WDR27: variants seen among roughly 807,000 people sequenced by gnomAD.
WDR27 encodes WD repeat-containing protein 27.
A neutral mutation model predicts 114.4 loss-of-function variants in WDR27; 100 were observed. That is an observed-to-expected ratio of 0.87 (90% CI 0.74 to 1.03). WDR27 has a LOEUF of 1.03. WDR27 is among the 50% of genes least tolerant of loss of function. WDR27 has a pLI of 0.00. For missense variants in WDR27, 1,129 were observed against 1,092.9 expected, an observed-to-expected ratio of 1.03 and a Z score of -0.47; for synonymous variants, 449 against 423.1, an observed-to-expected ratio of 1.06 and a Z score of -0.75.
downstream of WDR27, among the ~76,000 whole-genome samples, chr6:169,454,996 C>A (rs533719095): frequency 2.0e-5 from 3 of 152,206 alleles, no homozygotes; most frequent in African/African-American, 7.2e-5. Context: ...GCAAAGACTG[C>A]GGGCTCTGGT....
At chr6:169,686,633 G>A (rs1783027507) in intron 2 of WDR27, among the ~76,000 whole-genome samples, 2 of 152,132 alleles carry the variant, frequency 1.3e-5, no homozygotes, top group South Asian at 4.1e-4. Context: ...AGATAAAACA[G>A]ACATCAAGTT....
chr6:169,443,883 TG>T, the WDR27 span, among the ~76,000 whole-genome samples: 1 of 152,208 alleles, frequency 6.6e-6, no homozygotes, highest in Non-Finnish European at 1.5e-5. Context: ...CATTCAGGCC[TG>T]GGTTTCCAAC....
intron 25 of WDR27, among the ~76,000 whole-genome samples, chr6:169,483,376 C>G (rs1431688889): frequency 6.6e-6 from 1 of 152,110 alleles, no homozygotes; most frequent in Non-Finnish European, 1.5e-5. Context: ...CCATCAGAGA[C>G]TACTATGAAT....
the WDR27 span, among the ~76,000 whole-genome samples, chr6:169,448,564 C>A: frequency 6.6e-6 from 1 of 152,158 alleles, no homozygotes; most frequent in Non-Finnish European, 1.5e-5. Context: ...AAGCCGGTGG[C>A]GGCTGCACTG....
At chr6:169,627,086 T>C (rs1332594388) in intron 21 of WDR27, among the ~76,000 whole-genome samples, 1 of 152,214 alleles carries the variant, frequency 6.6e-6, no homozygotes, top group African/African-American at 2.4e-5. Flanking sequence ...CTGTAATTTG[T>C]CAGGGTCCTC....
intron 21 of WDR27, among the ~76,000 whole-genome samples, chr6:169,626,327 G>A (rs945956105): frequency 1.3e-5 from 2 of 152,200 alleles, no homozygotes; most frequent in Admixed American, 6.5e-5. Flanking sequence ...GGGCTGTGCT[G>A]TAGTGAGCAG....
At chr6:169,521,378 A>G (rs1036576424) in intron 25 of WDR27, among the ~76,000 whole-genome samples, 1 of 152,154 alleles carries the variant, frequency 6.6e-6, no homozygotes, top group Non-Finnish European at 1.5e-5. Flanking sequence ...AGACCTGTCT[A>G]TAAGAAATGC....
the WDR27 span, among the ~76,000 whole-genome samples, chr6:169,438,893 T>G: frequency 6.6e-6 from 1 of 152,220 alleles, no homozygotes; most frequent in East Asian, 1.9e-4. Context: ...GTTTTTTCCC[T>G]CTGAACTATG....
the WDR27 span, among the ~76,000 whole-genome samples, chr6:169,436,170 A>C: frequency 3.9e-5 from 6 of 152,202 alleles, no homozygotes; most frequent in African/African-American, 1.2e-4. Context: ...CAAATATAGA[A>C]ATCAACCCAA....
intron 23 of WDR27, among the ~76,000 whole-genome samples, chr6:169,595,475 T>C (rs1382410283): frequency 6.6e-6 from 1 of 152,222 alleles, no homozygotes; most frequent in Non-Finnish European, 1.5e-5. Flanking sequence ...CTACATCCAA[T>C]TTTAATCATA....
At chr6:169,645,870 T>C (rs1004203720) in intron 16 of WDR27, among the ~76,000 whole-genome samples, 2 of 151,328 alleles carry the variant, frequency 1.3e-5, no homozygotes, top group African/African-American at 2.4e-5. Context: ...AAAAGCCTAG[T>C]TCACAGAAGT....
chr6:169,480,141 G>A lies in WDR27; in HGVS notation c.2646-22507C>T, dbSNP rs191091888. On this transcript the variant is annotated intron_variant, in intron 25 of 25. Transcript: ENST00000448612. ...GGTCCCACACTTGGAGCAGCCAGCC[G>A]GTGCCACCGGCCCCAGGCAGTGAGG... 3.3e-4 allele frequency among the ~76,000 whole-genome samples: 51 copies of A among 152,342 alleles called. 1 individual carries two copies. The South Asian group carries it at 7.5e-3, about 22-fold the overall frequency.
Position 169,667,982 on chromosome 6 carries a change from C to T in WDR27, c.660G>A (p.Lys220=). ...ACGCCATCCAGCGTCCATCCCTCAC[C>T]TTAAAGCCTCTGTCCTCAGACGCCG... ...LISASEDRGF[K]VWDHCTGSLI... The change falls in exon 5 of 26, where the codon AAG becomes AAA. Residue 220 remains lysine, a splice_region_variant and synonymous_variant. Transcript: ENST00000448612. 1 of 1,612,464 alleles carries T rather than the reference C, an allele frequency of 6.2e-7. No individual in the cohort carries two copies. Among genetic ancestry groups the T allele is most frequent in the Non-Finnish European group, 8.5e-7 (1 of 1,179,378 alleles).
At chr6:169,544,288 C>T (rs1006360060) in intron 25 of WDR27, among the ~76,000 whole-genome samples, 2 of 151,754 alleles carry the variant, frequency 1.3e-5, no homozygotes, top group Non-Finnish European at 2.9e-5. Context: ...ATAAACTGTC[C>T]CTATTTGCAG....
rs201122874 is a variant in WDR27, at chr6:169,660,747, G to T, written c.1045C>A (p.Arg349=). 8.7e-6 allele frequency: 14 copies of T among 1,613,720 alleles called. No individual in the cohort carries two copies. The South Asian group carries it at 1.5e-4, about 18-fold the overall frequency. Residue 349 remains arginine, a synonymous_variant, in exon 10 of 26, where the codon CGA becomes AGA. Coordinates refer to ENST00000448612, the MANE Select transcript of WDR27 (RefSeq NM_182552.5). The part of the protein sequence containing the change: ...ACGCLSSENT[R]CVWIGSSVGL... Reference sequence around the variant, plus strand: ...ACTGAGCTTCCGATCCACACACATCGGGTGTTCTCAGAAGAAAGACTGATT... The same window carrying T: ...ACTGAGCTTCCGATCCACACACATCTGGTGTTCTCAGAAGAAAGACTGATT...
intron 2 of WDR27, among the ~76,000 whole-genome samples, chr6:169,683,117 G>C (rs1296022012): frequency 6.6e-6 from 1 of 152,144 alleles, no homozygotes; most frequent in African/African-American, 2.4e-5. Context: ...AGAAGGAATT[G>C]AGGAAGACGA....
chr6:169,547,347 A>C (rs1797581501), intron 25 of WDR27, among the ~76,000 whole-genome samples: 1 of 152,088 alleles, frequency 6.6e-6, no homozygotes, highest in African/African-American at 2.4e-5. Flanking sequence ...TAACAAAAAA[A>C]CCAAGGACAG....
chr6:169,560,771 T>G (rs1799572783), intron 25 of WDR27, among the ~76,000 whole-genome samples: 1 of 152,196 alleles, frequency 6.6e-6, no homozygotes, highest in Non-Finnish European at 1.5e-5. Flanking sequence ...AAACTACACA[T>G]TTTATACTAC....
intron 19 of WDR27, among the ~76,000 whole-genome samples, chr6:169,635,493 C>T (rs111813809): frequency 0.029 from 4,355 of 152,312 alleles, 150 homozygotes; most frequent in African/African-American, 0.084. Flanking sequence ...GCATGCAACC[C>T]GCCCCAGCAC....
Sources: gnomAD v4.1 joint callset for allele counts (sites outside exome capture counted in the v4.1 genomes callset) on GRCh38, gnomAD v4.1.1 for gene constraint, MANE v1.5 for transcripts, NCBI Gene and HGNC (gene_info 2026-07-23, HGNC 2026-07-21) for gene names.